ZNRF3: variants seen among roughly 807,000 people sequenced by gnomAD.
ZNRF3 encodes the protein E3 ubiquitin-protein ligase ZNRF3.
In ZNRF3, 23 loss-of-function variants were observed where a neutral mutation model predicts 72.5. The ratio of observed to expected loss-of-function variants is 0.32; its 90% CI spans 0.23 to 0.45. The LOEUF is 0.45. ZNRF3 is among the 20% of genes least tolerant of loss of function. The probability of loss-of-function intolerance (pLI) is 1.00; values close to 1 mark genes in which losing one functional copy is unlikely to be tolerated. For missense variants in ZNRF3, 1,169 were observed against 1,272.1 expected (o/e 0.92, Z 1.23); for synonymous variants, 610 against 545.3 (o/e 1.12, Z -1.65).
chr22:28,910,680 G>T (rs181488262), intron 1 of ZNRF3, among the ~76,000 whole-genome samples: 39 of 152,308 alleles, frequency 2.6e-4, no homozygotes, highest in African/African-American at 8.4e-4. Flanking sequence ...ATGGACCAGT[G>T]GGAAAGTCAG....
chr22:29,021,232 CAAAA>C (rs1242926436), intron 2 of ZNRF3, among the ~76,000 whole-genome samples: 1 of 150,192 alleles, frequency 6.7e-6, no homozygotes, highest in Admixed American at 6.6e-5. Context: ...AACTCTGTCT[CAAAA>C]AAAATAAATA....
In ZNRF3 at chr22:29,049,357, C is replaced by T. The variant is rs888462562; in HGVS notation, c.1176C>T (p.Asn392=). The T allele has an allele frequency of 6.2e-7, 1 of 1,613,618 alleles. No homozygotes were observed. Among genetic ancestry groups the T allele is most frequent in the Non-Finnish European group, 8.5e-7 (1 of 1,180,038 alleles). ...GGACAAGCATGGACTCCCACGGCAA[C>T]CCCGTCACCTTGCTGACCATGGACC... ...PTRTSMDSHG[N]PVTLLTMDRH... Residue 392 remains asparagine, a synonymous_variant, in exon 8 of 9, where the codon AAC becomes AAT. Coordinates refer to ENST00000544604, the MANE Select transcript of ZNRF3 (RefSeq NM_001206998.2). The surrounding 1 kb of genome is among the most constrained non-coding windows in gnomAD (Gnocchi z 5.2).
intron 1 of ZNRF3, among the ~76,000 whole-genome samples, chr22:28,948,161 T>A (rs1476666349): frequency 1.3e-5 from 2 of 151,330 alleles, no homozygotes; most frequent in Non-Finnish European, 2.9e-5. Flanking sequence ...CGTTTTTTAT[T>A]TAAAAAAAAA....
chr22:28,909,407 C>A (rs978350938), intron 1 of ZNRF3, among the ~76,000 whole-genome samples: 57 of 152,072 alleles, frequency 3.7e-4, no homozygotes, highest in African/African-American at 1.3e-3. Flanking sequence ...ACTGTGGACT[C>A]CGCCTTCAGA....
intron 1 of ZNRF3, among the ~76,000 whole-genome samples, chr22:28,932,119 G>A (rs925014496): frequency 2.6e-5 from 4 of 152,166 alleles, no homozygotes; most frequent in African/African-American, 4.8e-5. Context: ...GAGAGGACCC[G>A]TTCAGCCACA....
Position 29,053,774 on chromosome 22 carries a change from G to C in ZNRF3, c.*152G>C, listed in dbSNP as rs1430788378. 2 of 673,170 alleles carry C rather than the reference G, an allele frequency of 3.0e-6. No individual in the cohort carries two copies. Among genetic ancestry groups the C allele is most frequent in the Non-Finnish European group, 4.9e-6 (2 of 411,944 alleles). 41.7% of individuals were successfully genotyped at this position (673,170 alleles called of 1,614,324 possible). On this transcript the variant is annotated 3_prime_UTR_variant, in exon 9 of 9. Coordinates refer to ENST00000544604, the MANE Select transcript of ZNRF3 (RefSeq NM_001206998.2). The stretch of plus-strand genomic sequence containing the variant: ...CCCTCCTTGTCAACCCAAAATGTGA[G>C]CCCCCTGTGGCAAAACCACCCCCTA...
intron 1 of ZNRF3, among the ~76,000 whole-genome samples, chr22:28,968,905 C>G (rs1489370016): frequency 6.6e-6 from 1 of 152,142 alleles, no homozygotes; most frequent in African/African-American, 2.4e-5. Context: ...CCCCCAACAG[C>G]CTTGTGTTTA....
chr22:29,011,962 C>T lies in ZNRF3; in HGVS notation c.426+24761C>T, dbSNP rs545865351. Reference sequence around the variant, plus strand: ...CTCTTTTGGGAAAGAAGCAACAAGCCGACAATGTGGGCCCACCACAGCCGG... The same window carrying T: ...CTCTTTTGGGAAAGAAGCAACAAGCTGACAATGTGGGCCCACCACAGCCGG... On this transcript the variant is annotated intron_variant, in intron 2 of 8. Transcript: ENST00000544604. 9.4e-4 allele frequency among the ~76,000 whole-genome samples: 143 copies of T among 152,268 alleles called. 1 individual carries two copies. The highest frequency in any genetic ancestry group is 1.8e-3 in the Non-Finnish European group (122 of 68,034).
chr22:29,028,257 T>C (rs1245477928), intron 2 of ZNRF3, among the ~76,000 whole-genome samples: 1 of 152,100 alleles, frequency 6.6e-6, no homozygotes. Flanking sequence ...TTTAAGCAGG[T>C]AACCCTGTAC....
At chr22:29,004,307 C>T (rs546833799) in intron 2 of ZNRF3, among the ~76,000 whole-genome samples, 1 of 152,258 alleles carries the variant, frequency 6.6e-6, no homozygotes, top group South Asian at 2.1e-4. Context: ...CTTCTTCTTC[C>T]TTGCTGAAAA....
At chr22:28,922,689 T>C (rs750391042) in intron 1 of ZNRF3, among the ~76,000 whole-genome samples, 4 of 152,206 alleles carry the variant, frequency 2.6e-5, no homozygotes, top group Non-Finnish European at 4.4e-5. Context: ...CGTTCTGGCC[T>C]TGGGTGTATG....
chr22:29,037,388 G>A (rs1470712781), intron 2 of ZNRF3, among the ~76,000 whole-genome samples: 2 of 152,204 alleles, frequency 1.3e-5, no homozygotes, highest in Non-Finnish European at 2.9e-5. Context: ...ATTTGCACTG[G>A]AACATTCTAG....
At chr22:28,941,429 A>T (rs1385354691) in intron 1 of ZNRF3, among the ~76,000 whole-genome samples, 1 of 152,236 alleles carries the variant, frequency 6.6e-6, no homozygotes, top group Non-Finnish European at 1.5e-5. Context: ...CCAAACTGAT[A>T]AAATAAGATG....
At position 28,903,824 on chromosome 22, in the gene ZNRF3, G is replaced by A. The variant is rs145192575; in HGVS notation, c.300+19758G>A. ...ACTTTCCTAACTGGGAACTTGTCCT[G>A]GATTTCTTGGGATTCTGATCCAGAA... On this transcript the variant is annotated intron_variant, in intron 1 of 8. Transcript: ENST00000544604. Among the ~76,000 whole-genome samples, 430 of 152,280 alleles carry A rather than the reference G, an allele frequency of 2.8e-3. 5 individuals are homozygous for A. Among genetic ancestry groups the A allele is most frequent in the African/African-American group, 9.6e-3 (398 of 41,568 alleles).
intron 1 of ZNRF3, among the ~76,000 whole-genome samples, chr22:28,940,691 A>G (rs370807212): frequency 6.6e-6 from 1 of 152,070 alleles, no homozygotes; most frequent in African/African-American, 2.4e-5. Flanking sequence ...AGAAGGTTCA[A>G]AGGGCAGGAG....
chr22:28,977,268 G>A (rs2035692663), intron 1 of ZNRF3, among the ~76,000 whole-genome samples: 1 of 152,160 alleles, frequency 6.6e-6, no homozygotes, highest in Non-Finnish European at 1.5e-5. Context: ...GCAGCTTTTT[G>A]GTGTCTGGGG....
intron 2 of ZNRF3, chr22:29,026,902 G>A (rs1047207723): frequency 4.6e-5 from 7 of 152,152 alleles, no homozygotes; most frequent in East Asian, 1.9e-4. Context: ...TTATTGCCTC[G>A]AAGACACATT....
intron 2 of ZNRF3, among the ~76,000 whole-genome samples, chr22:29,038,964 A>T (rs1479590550): frequency 6.6e-6 from 1 of 151,684 alleles, no homozygotes; most frequent in Non-Finnish European, 1.5e-5. Flanking sequence ...ATATATATAT[A>T]TAGAGAGAGA....
intron 2 of ZNRF3, among the ~76,000 whole-genome samples, chr22:29,038,458 G>A (rs190056062): frequency 1.3e-4 from 19 of 151,326 alleles, no homozygotes; most frequent in African/African-American, 3.2e-4. Context: ...TCAGCCTCCC[G>A]AGGAGCTGGG....
Sources: gnomAD v4.1 joint callset for allele counts (sites outside exome capture counted in the v4.1 genomes callset) on GRCh38, gnomAD v4.1.1 for gene constraint, Gnocchi (gnomAD v3.1) non-coding constraint, MANE v1.5 for transcripts, NCBI Gene and HGNC (gene_info 2026-07-23, HGNC 2026-07-21) for gene names.